Variants in DGKB observed in about 807,000 individuals in gnomAD.
The protein encoded by DGKB is diacylglycerol kinase beta.
In DGKB, 67 loss-of-function variants were observed where a neutral mutation model predicts 114.3. The ratio of observed to expected loss-of-function variants is 0.59; its 90% CI spans 0.48 to 0.72. The LOEUF is 0.72. DGKB is among the 30% of genes least tolerant of loss of function. DGKB has a pLI of 0.00. For missense variants in DGKB, 907 were observed against 975.2 expected (o/e 0.93, Z 0.93); for synonymous variants, 398 against 323.1 (o/e 1.23, Z -2.49).
At chr7:14,262,458 A>G (rs1409868523) in intron 23 of DGKB, among the ~76,000 whole-genome samples, 1 of 152,182 alleles carries the variant, frequency 6.6e-6, no homozygotes, top group East Asian at 1.9e-4. Flanking sequence ...AGTGAGAGTG[A>G]GAGCACAGGT....
rs570552358 is a variant in DGKB, at chr7:14,519,220, AT to A, written c.1771-40996del. On this transcript the variant is annotated intron_variant, in intron 20 of 25. Transcript: ENST00000402815. ...TTTAGAGCTAAAATTCAGAGCTACA[AT>A]TTTTTTTCCAAATCTGTTTGCAATC... Among the ~76,000 whole-genome samples the A allele has an allele frequency of 6.6e-5, 10 of 151,794 alleles. 1 individual carries two copies. The South Asian group carries it at 2.1e-3, about 32-fold the overall frequency.
At chr7:14,745,964 A>G (rs1437475026) in intron 4 of DGKB, among the ~76,000 whole-genome samples, 1 of 152,214 alleles carries the variant, frequency 6.6e-6, no homozygotes. Flanking sequence ...TTTCTAAAGT[A>G]TAGTTCTCTC....
chr7:14,551,475 G>GA (rs1795098082), intron 20 of DGKB, among the ~76,000 whole-genome samples: 1 of 152,130 alleles, frequency 6.6e-6, no homozygotes. Context: ...TCGCAGTGCT[G>GA]ACTTCTGTGT....
chr7:14,517,591 C>T (rs549003855), intron 20 of DGKB, among the ~76,000 whole-genome samples: 1 of 152,006 alleles, frequency 6.6e-6, no homozygotes, highest in Non-Finnish European at 1.5e-5. Flanking sequence ...CCAGAATCTA[C>T]CAGAAATTTA....
rs1452686512 is a variant in DGKB at position 14,695,492 on chromosome 7, C to CTTTTTTTTTTT, written c.592-1299_592-1298insAAAAAAAAAAA. Among the ~76,000 whole-genome samples the CTTTTTTTTTTT allele has an allele frequency of 5.0e-4, 37 of 73,374 alleles. 2 individuals are homozygous for CTTTTTTTTTTT. Among genetic ancestry groups the CTTTTTTTTTTT allele is most frequent in the African/African-American group, 2.0e-3 (33 of 16,782 alleles). 48.1% of individuals were successfully genotyped at this position (73,374 alleles called of 152,430 possible). A position where few individuals can be genotyped will look rare whatever the true frequency, so the allele number is the denominator to read the frequency against. On this transcript the variant is annotated intron_variant, in intron 8 of 25. Transcript: ENST00000402815. ...CAAATGTTCATTTCTCTCTCTCTCT[C>CTTTTTTTTTTT]TCTTTTTTTTTTTTTTTTTTTTTTT...
chr7:14,328,161 T>A (rs1381583877), intron 23 of DGKB, among the ~76,000 whole-genome samples: 1 of 152,112 alleles, frequency 6.6e-6, no homozygotes, highest in Non-Finnish European at 1.5e-5. Flanking sequence ...TATCATAGAC[T>A]TAGTAAGAAA....
intron 20 of DGKB, among the ~76,000 whole-genome samples, chr7:14,543,632 C>T (rs1187514921): frequency 1.3e-5 from 2 of 152,160 alleles, no homozygotes; most frequent in Admixed American, 1.3e-4. Flanking sequence ...ATAATAGTAA[C>T]TTGCTCACAG....
chr7:14,416,103 C>T (rs1583771895), intron 21 of DGKB, among the ~76,000 whole-genome samples: 1 of 152,036 alleles, frequency 6.6e-6, no homozygotes, highest in Non-Finnish European at 1.5e-5. Context: ...ACTTCGCCCA[C>T]TTTTTGATGG....
chr7:14,959,765 TAA>T (rs564208336), intron 1 of DGKB, among the ~76,000 whole-genome samples: 4 of 144,058 alleles, frequency 2.8e-5, no homozygotes, highest in African/African-American at 2.5e-5. Flanking sequence ...CCACTGAGAT[TAA>T]AAAAAAAAAA....
intron 13 of DGKB, among the ~76,000 whole-genome samples, chr7:14,648,223 C>T (rs2128891496): frequency 6.6e-6 from 1 of 152,338 alleles, no homozygotes; most frequent in Non-Finnish European, 1.5e-5. Context: ...CAGCAGTAAC[C>T]TCTGCAGACT....
chr7:14,309,412 T>C (rs1805006522), intron 23 of DGKB, among the ~76,000 whole-genome samples: 2 of 152,112 alleles, frequency 1.3e-5, no homozygotes, highest in African/African-American at 4.8e-5. Flanking sequence ...AAAGTCCTCT[T>C]ATACAAGATT....
chr7:14,579,525 T>G (rs1199932230), intron 19 of DGKB, among the ~76,000 whole-genome samples: 1 of 152,200 alleles, frequency 6.6e-6, no homozygotes, highest in Non-Finnish European at 1.5e-5. Flanking sequence ...TTCTTTTTAA[T>G]CTATGCACTT....
At chr7:14,788,247 C>G (rs752366930) in intron 2 of DGKB, among the ~76,000 whole-genome samples, 5 of 152,206 alleles carry the variant, frequency 3.3e-5, no homozygotes, top group Non-Finnish European at 7.3e-5. Context: ...AGAGCCCCAT[C>G]CCTGAAGCTC....
At chr7:14,929,046 C>T (rs1435267531) in intron 1 of DGKB, among the ~76,000 whole-genome samples, 4 of 151,648 alleles carry the variant, frequency 2.6e-5, no homozygotes, top group Admixed American at 6.6e-5. Context: ...CACACACACA[C>T]ACACACACAC....
At chr7:14,431,586 C>T (rs564508041) in intron 21 of DGKB, among the ~76,000 whole-genome samples, 7 of 152,166 alleles carry the variant, frequency 4.6e-5, no homozygotes, top group Admixed American at 1.3e-4. Flanking sequence ...TGTTTACTTT[C>T]TAAAGGCAAT....
intron 1 of DGKB, among the ~76,000 whole-genome samples, chr7:14,895,166 G>T (rs1196781051): frequency 6.6e-6 from 1 of 151,620 alleles, no homozygotes; most frequent in Non-Finnish European, 1.5e-5. Context: ...GCTGTCCAAA[G>T]CAGAATAATC....
At chr7:14,591,068 G>A (rs1295530508) in intron 17 of DGKB, among the ~76,000 whole-genome samples, 1 of 152,094 alleles carries the variant, frequency 6.6e-6, no homozygotes, top group Non-Finnish European at 1.5e-5. Flanking sequence ...TAGAAGACAA[G>A]TAAACTGAAG....
intron 23 of DGKB, among the ~76,000 whole-genome samples, chr7:14,276,572 G>T (rs1799029643): frequency 6.6e-6 from 1 of 151,954 alleles, no homozygotes; most frequent in Admixed American, 6.6e-5. Context: ...TCATATGCAT[G>T]TTAGAAAAAT....
chr7:14,515,094 G>A (rs551116247), intron 20 of DGKB, among the ~76,000 whole-genome samples: 1 of 152,240 alleles, frequency 6.6e-6, no homozygotes, highest in South Asian at 2.1e-4. Flanking sequence ...CTCCAACTCA[G>A]AGCTGAGACG....
Sources: gnomAD v4.1 joint callset for allele counts (sites outside exome capture counted in the v4.1 genomes callset) on GRCh38, gnomAD v4.1.1 for gene constraint, MANE v1.5 for transcripts, NCBI Gene and HGNC (gene_info 2026-07-23, HGNC 2026-07-21) for gene names.